Variants in SHQ1 observed in about 807,000 individuals in gnomAD.
The protein encoded by SHQ1 is SHQ1, H/ACA ribonucleoprotein assembly factor.
A neutral mutation model predicts 53.8 loss-of-function variants in SHQ1; 49 were observed. That is an observed-to-expected ratio of 0.91 (90% CI 0.72 to 1.16). SHQ1 has a LOEUF of 1.16. SHQ1 is among the 50% of genes most tolerant of loss of function. The probability of loss-of-function intolerance (pLI) is 0.00; values close to 1 mark genes in which losing one functional copy is unlikely to be tolerated. For synonymous variants in SHQ1, 243 were observed against 251.0 expected (o/e 0.97, Z 0.30); for missense variants, 738 against 683.1 (o/e 1.08, Z -0.90).
At position 72,778,625 on chromosome 3, in the gene SHQ1, A is replaced by G. The variant is rs191253321; in HGVS notation, c.1181+14291T>C. On this transcript the variant is annotated intron_variant, in intron 10 of 10. Transcript: ENST00000325599. ...TCATAAGAAAACATTTTAAGAAAATAACTAAACTCTACAAACATTCAAAAA... is the reference window on the plus strand; with the variant it reads ...TCATAAGAAAACATTTTAAGAAAATGACTAAACTCTACAAACATTCAAAAA... 1.3e-3 allele frequency among the ~76,000 whole-genome samples: 192 copies of G among 152,300 alleles called. No homozygotes were observed. The Middle Eastern group carries it at 0.024, about 19-fold the overall frequency.
chr3:72,740,846 C>G, the SHQ1 span, among the ~76,000 whole-genome samples: 1 of 152,178 alleles, frequency 6.6e-6, no homozygotes, highest in Non-Finnish European at 1.5e-5. Context: ...TATCTTTTCT[C>G]CATTACATAG....
At chr3:72,841,739 G>A (rs1057336089) in intron 3 of SHQ1, among the ~76,000 whole-genome samples, 1 of 152,138 alleles carries the variant, frequency 6.6e-6, no homozygotes, top group African/African-American at 2.4e-5. Context: ...TAGTTTTGGG[G>A]GATGAAACTG....
chr3:72,815,755 T>C (rs1456254311), intron 7 of SHQ1, among the ~76,000 whole-genome samples: 2 of 152,178 alleles, frequency 1.3e-5, no homozygotes, highest in East Asian at 3.9e-4. Context: ...AATCCATAAA[T>C]AATCTATCAA....
At position 72,781,206 on chromosome 3, in the gene SHQ1, C is replaced by T. The variant is rs138371989; in HGVS notation, c.1181+11710G>A. ...TCCCAAGTAGCTGGGATTACAGGCA[C>T]GTGCCACCATGCTAATTTTTGTATT... On this transcript the variant is annotated intron_variant, in intron 10 of 10. Transcript: ENST00000325599. Among the ~76,000 whole-genome samples, 776 of 151,900 alleles carry T rather than the reference C, an allele frequency of 5.1e-3. 10 individuals carry two copies. The highest frequency in any genetic ancestry group is 0.018 in the African/African-American group (746 of 41,412).
the SHQ1 span, among the ~76,000 whole-genome samples, chr3:72,731,837 A>T: frequency 6.6e-6 from 1 of 151,570 alleles, no homozygotes; most frequent in African/African-American, 2.4e-5. Context: ...CAGGGAAAGC[A>T]TCATCCTCCC....
chr3:72,781,613 C>G (rs1440804488), intron 10 of SHQ1, among the ~76,000 whole-genome samples: 2 of 152,146 alleles, frequency 1.3e-5, no homozygotes, highest in East Asian at 1.9e-4. Context: ...CTTTAATTGG[C>G]AGAGACTGAC....
chr3:72,838,932 A>G (rs922696076), intron 4 of SHQ1, among the ~76,000 whole-genome samples: 1 of 152,036 alleles, frequency 6.6e-6, no homozygotes, highest in Non-Finnish European at 1.5e-5. Flanking sequence ...AAGACATCCA[A>G]AAAGAAAGTA....
intron 2 of SHQ1, among the ~76,000 whole-genome samples, chr3:72,842,749 A>C (rs983382018): frequency 7.2e-5 from 11 of 152,322 alleles, no homozygotes; most frequent in African/African-American, 2.6e-4. Flanking sequence ...GGTTCTTAAC[A>C]AGGGTTTTTC....
intron 10 of SHQ1, among the ~76,000 whole-genome samples, chr3:72,751,496 G>GTACATATATA (rs1372925082): frequency 0.019 from 2,272 of 116,878 alleles, 133 homozygotes; most frequent in African/African-American, 0.038. Context: ...GTGTGTGTGT[G>GTACATATATA]TGTGTGTGTG....
chr3:72,788,233 GTC>G (rs1706304995), intron 10 of SHQ1, among the ~76,000 whole-genome samples: 2 of 151,352 alleles, frequency 1.3e-5, no homozygotes, highest in African/African-American at 4.9e-5. Flanking sequence ...AGTGAGGAGT[GTC>G]TCTGTCTGGC....
At chr3:72,752,110 G>A (rs1358509385) in intron 10 of SHQ1, among the ~76,000 whole-genome samples, 1 of 152,114 alleles carries the variant, frequency 6.6e-6, no homozygotes, top group Non-Finnish European at 1.5e-5. Context: ...AATAAGTTAT[G>A]ACATATCCAT....
At chr3:72,806,640 T>C (rs1405196957) in intron 9 of SHQ1, among the ~76,000 whole-genome samples, 1 of 152,210 alleles carries the variant, frequency 6.6e-6, no homozygotes, top group Non-Finnish European at 1.5e-5. Context: ...CAGCATCAGA[T>C]AGCATATCGA....
rs75906196 is a variant in SHQ1, at chr3:72,775,997, C to T, written c.1181+16919G>A. 7.6e-4 allele frequency among the ~76,000 whole-genome samples: 115 copies of T among 151,982 alleles called. No homozygotes were observed. The East Asian group carries it at 0.02, about 27-fold the overall frequency. On this transcript the variant is annotated intron_variant, in intron 10 of 10. Transcript: ENST00000325599. ...TAAATATATTACCACCATATCTATTCGGGATTGTACTGAAGGGCCTAGGCC... is the reference window on the plus strand; with the variant it reads ...TAAATATATTACCACCATATCTATTTGGGATTGTACTGAAGGGCCTAGGCC...
rs1461776945 is a variant in SHQ1 at position 72,750,605 on chromosome 3, T to C, written c.1413A>G (p.Ser471=). ...GTTCATCTTGTTCTGAATCTGAGCC[T>C]GAGTCTTCGTTTCCAGATGACACGC... ...DSSVSSGNED[S]GSDSEQDELK... The change falls in exon 11 of 11, where the codon TCA becomes TCG. Residue 471 remains serine (S), a synonymous_variant. Transcript: ENST00000325599. The C allele has an allele frequency of 3.1e-6, 5 of 1,614,124 alleles. No homozygotes were observed. The highest frequency in any genetic ancestry group is 4.2e-6 in the Non-Finnish European group (5 of 1,180,044).
At chr3:72,787,763 G>C (rs575520615) in intron 10 of SHQ1, among the ~76,000 whole-genome samples, 1 of 146,538 alleles carries the variant, frequency 6.8e-6, no homozygotes, top group Non-Finnish European at 1.5e-5. Context: ...CTCTGATGCC[G>C]AGCGGAGGCT....
chr3:72,789,955 T>C (rs1289968974), intron 10 of SHQ1, among the ~76,000 whole-genome samples: 1 of 152,156 alleles, frequency 6.6e-6, no homozygotes, highest in Non-Finnish European at 1.5e-5. Flanking sequence ...TCTTGAAAAA[T>C]ATGAAATCTG....
At position 72,817,334 on chromosome 3, in the gene SHQ1, A is replaced by G; in HGVS notation, c.778T>C (p.Ser260Pro). The G allele has an allele frequency of 6.2e-7, 1 of 1,613,402 alleles. No individual in the cohort carries two copies. Among genetic ancestry groups the G allele is most frequent in the South Asian group, 1.1e-5 (1 of 90,996 alleles). Reference protein sequence around the residue: ...KYQLRKFVNKSYLLDKRACRQ... With the variant: ...KYQLRKFVNKPYLLDKRACRQ... The stretch of plus-strand genomic sequence containing the variant: ...CAGGCTCTCTTGTCCAGCAGATAAG[A>G]TTTATTGACAAATTTTCGTAGCTGA... The change falls in exon 7 of 11, where the codon TCT (serine) becomes CCT (proline). Residue 260 changes from serine (S) to proline (P), a missense_variant. Coordinates refer to ENST00000325599, the MANE Select transcript of SHQ1 (RefSeq NM_018130.3).
chr3:72,807,853 T>C (rs1448125308), intron 9 of SHQ1, among the ~76,000 whole-genome samples: 1 of 152,222 alleles, frequency 6.6e-6, no homozygotes. Context: ...AATTTGTTTA[T>C]TGAGCCCAAT....
chr3:72,805,326 A>G (rs900025795), intron 9 of SHQ1, among the ~76,000 whole-genome samples: 2 of 152,196 alleles, frequency 1.3e-5, no homozygotes, highest in African/African-American at 4.8e-5. Context: ...GTATTATTCA[A>G]TTCACTTCAT....
Sources: gnomAD v4.1 joint callset for allele counts (sites outside exome capture counted in the v4.1 genomes callset) on GRCh38, gnomAD v4.1.1 for gene constraint, MANE v1.5 for transcripts, NCBI Gene and HGNC (gene_info 2026-07-23, HGNC 2026-07-21) for gene names.